MAGI3: variants seen among roughly 807,000 people sequenced by gnomAD.
The protein encoded by MAGI3 is membrane associated guanylate kinase, WW and PDZ domain containing 3, also known as membrane-associated guanylate kinase, WW and PDZ domain-containing protein 3.
In MAGI3, 43 loss-of-function variants were observed where a neutral mutation model predicts 121.8. The ratio of observed to expected loss-of-function variants is 0.35; its 90% CI spans 0.28 to 0.46. MAGI3 has a LOEUF of 0.46. Ranked by LOEUF, MAGI3 falls within the 20% of genes least tolerant of loss-of-function variation. MAGI3 has a pLI of 1.00. For synonymous variants in MAGI3, 553 were observed against 639.3 expected (o/e 0.86, Z 2.04); for missense variants, 1,547 against 1,797.3 (o/e 0.86, Z 2.52).
chr1:113,458,036 G>A (rs750169853), intron 1 of MAGI3, among the ~76,000 whole-genome samples: 4 of 152,208 alleles, frequency 2.6e-5, no homozygotes, highest in Non-Finnish European at 4.4e-5. Flanking sequence ...ACCAGGTCAC[G>A]TAGGAACTTG....
intron 2 of MAGI3, among the ~76,000 whole-genome samples, chr1:113,556,632 C>G (rs978891912): frequency 6.8e-6 from 1 of 146,164 alleles, no homozygotes; most frequent in Non-Finnish European, 1.5e-5. Flanking sequence ...GATTAGAGCT[C>G]AACTTCCATT....
At chr1:113,395,385 A>G (rs1651057204) in intron 1 of MAGI3, among the ~76,000 whole-genome samples, 1 of 151,650 alleles carries the variant, frequency 6.6e-6, no homozygotes, top group Non-Finnish European at 1.5e-5. Context: ...AAATTTTGGT[A>G]GTTTTTTTTT....
rs553097688 is a variant in MAGI3 at position 113,416,343 on chromosome 1, A to G, written c.316+24994A>G. Among the ~76,000 whole-genome samples, 55 of 53,804 alleles carry G rather than the reference A, an allele frequency of 1.0e-3. 1 individual carries two copies. The South Asian group carries it at 0.017, about 17-fold the overall frequency. The allele number at this position is 53,804 out of a possible 152,430, so 35.3% of individuals were successfully genotyped here. Reference sequence around the variant, plus strand: ...GTAATTAATTATATATCAATCATATATTAATTATATATTAATTTATATTAT... The same window carrying G: ...GTAATTAATTATATATCAATCATATGTTAATTATATATTAATTTATATTAT... On this transcript the variant is annotated intron_variant, in intron 1 of 20. Transcript: ENST00000307546.
At chr1:113,652,389 A>G (rs1375461577) in intron 14 of MAGI3, among the ~76,000 whole-genome samples, 1 of 152,208 alleles carries the variant, frequency 6.6e-6, no homozygotes, top group Non-Finnish European at 1.5e-5. Flanking sequence ...TATTTACATC[A>G]CTCTTAAAAA....
intron 1 of MAGI3, among the ~76,000 whole-genome samples, chr1:113,474,600 T>C (rs1249265994): frequency 6.6e-6 from 1 of 152,172 alleles, no homozygotes; most frequent in East Asian, 1.9e-4. Flanking sequence ...TTCTGAGGGC[T>C]CTGTTCTGTT....
intron 1 of MAGI3, among the ~76,000 whole-genome samples, chr1:113,527,650 A>C (rs1331509217): frequency 6.6e-6 from 1 of 152,198 alleles, no homozygotes; most frequent in African/African-American, 2.4e-5. Context: ...TCATTCATCT[A>C]TTGAGGAAAC....
chr1:113,681,928 T>C (rs1233512359), intron 20 of MAGI3, among the ~76,000 whole-genome samples: 4 of 152,132 alleles, frequency 2.6e-5, no homozygotes, highest in Admixed American at 2.6e-4. Context: ...AAAGTCACTG[T>C]TTTTTGAGTG....
intron 9 of MAGI3, among the ~76,000 whole-genome samples, chr1:113,629,134 CTG>C (rs1212550569): frequency 1.3e-5 from 2 of 151,850 alleles, no homozygotes; most frequent in East Asian, 1.9e-4. Flanking sequence ...TCTCCTCTGA[CTG>C]TGTATTTTCA....
At chr1:113,681,398 AGG>A in intron 20 of MAGI3, 62 bp downstream of exon 20, 1 of 1,535,382 alleles carries the variant, frequency 6.5e-7, no homozygotes. Flanking sequence ...CAGAAGAAAA[AGG>A]AATATATATT....
rs1653628556 is a variant in MAGI3 at position 113,658,937 on chromosome 1, G to A, written c.2630-143G>A. On this transcript the variant is annotated intron_variant, in intron 15 of 20. Transcript: ENST00000307546. This position sits in a 1 kb window ranked among gnomAD's most constrained non-coding sequence, Gnocchi z 4.0. ...TATGAAAATAGTTCCGTTTGGATGCGATGATGACGTGTGGTACTTTTCTGT... is the reference window on the plus strand; with the variant it reads ...TATGAAAATAGTTCCGTTTGGATGCAATGATGACGTGTGGTACTTTTCTGT... 11 of 697,808 alleles carry A rather than the reference G, an allele frequency of 1.6e-5. No individual in the cohort carries two copies. Among genetic ancestry groups the A allele is most frequent in the South Asian group, 1.3e-4 (7 of 51,948 alleles). 43.2% of individuals were successfully genotyped at this position (697,808 alleles called of 1,614,324 possible).
At chr1:113,398,288 G>C (rs564359201) in intron 1 of MAGI3, among the ~76,000 whole-genome samples, 19 of 152,234 alleles carry the variant, frequency 1.2e-4, no homozygotes, top group African/African-American at 3.4e-4. Context: ...ACTCTGTATG[G>C]GTTATGAAGG....
Position 113,684,217 on chromosome 1 carries a change from C to T in MAGI3, c.*203C>T. The T allele has an allele frequency of 2.0e-6, 1 of 495,026 alleles. No homozygotes were observed. The highest frequency in any genetic ancestry group is 3.4e-5 in the South Asian group (1 of 29,092). The allele number at this position is 495,026 out of a possible 1,614,324, so 30.7% of individuals were successfully genotyped here. A position where few individuals can be genotyped will look rare whatever the true frequency, so the allele number is the denominator to read the frequency against. ...CCCTGGCCGGCTGCCCTCCCTCGCTCTCAGGAAGGAGCTGCATCCACATGC... is the reference window on the plus strand; with the variant it reads ...CCCTGGCCGGCTGCCCTCCCTCGCTTTCAGGAAGGAGCTGCATCCACATGC... On this transcript the variant is annotated 3_prime_UTR_variant, in exon 21 of 21. Transcript: ENST00000307546.
At chr1:113,527,464 A>G (rs1201004804) in intron 1 of MAGI3, among the ~76,000 whole-genome samples, 1 of 152,234 alleles carries the variant, frequency 6.6e-6, no homozygotes, top group Non-Finnish European at 1.5e-5. Flanking sequence ...AGAAAGGCAT[A>G]TAAAAGATTG....
intron 9 of MAGI3, among the ~76,000 whole-genome samples, chr1:113,623,840 C>A (rs952807802): frequency 2.0e-5 from 3 of 152,102 alleles, no homozygotes; most frequent in Non-Finnish European, 2.9e-5. Context: ...TTCCCTCTCA[C>A]CGCCCCACCA....
At chr1:113,678,418 T>C (rs1648010375) in intron 19 of MAGI3, among the ~76,000 whole-genome samples, 1 of 152,222 alleles carries the variant, frequency 6.6e-6, no homozygotes, top group Non-Finnish European at 1.5e-5. Flanking sequence ...TTCTAAATTA[T>C]TCTCCATCCT....
At chr1:113,591,415 A>G (rs1648684949) in intron 5 of MAGI3, among the ~76,000 whole-genome samples, 1 of 152,144 alleles carries the variant, frequency 6.6e-6, no homozygotes, top group African/African-American at 2.4e-5. Flanking sequence ...AACGGTTAAA[A>G]TATTTGGATC....
At chr1:113,623,493 TATA>T (rs1336216287) in intron 9 of MAGI3, among the ~76,000 whole-genome samples, 439 of 37,356 alleles carry the variant, frequency 0.012, 7 homozygotes, top group Non-Finnish European at 0.016. Context: ...CACACATATA[TATA>T]TTTTTTTTTG....
At chr1:113,532,832 A>T (rs1247883792) in intron 1 of MAGI3, among the ~76,000 whole-genome samples, 2 of 152,226 alleles carry the variant, frequency 1.3e-5, no homozygotes, top group Non-Finnish European at 2.9e-5. Context: ...TAATAGAATC[A>T]TGTAATATAT....
At chr1:113,425,053 G>A (rs1056515752) in intron 1 of MAGI3, among the ~76,000 whole-genome samples, 2 of 151,854 alleles carry the variant, frequency 1.3e-5, no homozygotes, top group African/African-American at 2.4e-5. Flanking sequence ...CAGCTACTTA[G>A]GAGGCTGAGG....
Sources: allele counts gnomAD v4.1 joint callset (sites outside exome capture counted in the v4.1 genomes callset), GRCh38; gene constraint gnomAD v4.1.1; non-coding constraint Gnocchi (gnomAD v3.1); transcripts MANE v1.5; gene names NCBI Gene and HGNC (gene_info 2026-07-23, HGNC 2026-07-21).